The following ARSJ variants were observed in gnomAD, a reference collection of about 807,000 sequenced individuals.
The protein encoded by ARSJ is arylsulfatase family member J.
A neutral mutation model predicts 35.9 loss-of-function variants in ARSJ; 26 were observed. That is an observed-to-expected ratio of 0.72 (90% CI 0.53 to 1.00). The LOEUF is 1.00. Ranked by LOEUF, ARSJ falls within the 50% of genes least tolerant of loss-of-function variation. ARSJ has a pLI of 0.00. For missense variants in ARSJ, 667 were observed against 723.6 expected (o/e 0.92, Z 0.90); for synonymous variants, 294 against 267.6 (o/e 1.10, Z -0.96).
At chr4:113,963,316 G>A (rs1242197561) in intron 1 of ARSJ, among the ~76,000 whole-genome samples, 2 of 152,000 alleles carry the variant, frequency 1.3e-5, no homozygotes, top group East Asian at 3.9e-4. Context: ...GTTTATAAAG[G>A]AAAGAGGTTT....
At position 113,979,104 on chromosome 4, in the gene ARSJ, G is replaced by A. The variant is rs1307393811; in HGVS notation, c.-270C>T. 18 of 285,174 alleles carry A rather than the reference G, an allele frequency of 6.3e-5. No homozygotes were observed. Among genetic ancestry groups the A allele is most frequent in the South Asian group, 2.8e-4 (2 of 7,046 alleles). 17.7% of individuals were successfully genotyped at this position (285,174 alleles called of 1,614,324 possible). On this transcript the variant is annotated 5_prime_UTR_variant, in exon 1 of 2. Coordinates refer to ENST00000315366, the MANE Select transcript of ARSJ (RefSeq NM_024590.4). ...CCTCCCTAGAGCAGCTTCCACCAAG[G>A]AAAAAAAAAAGAAAAAAGTTAATAT...
intron 1 of ARSJ, among the ~76,000 whole-genome samples, chr4:113,926,706 A>G (rs1463712063): frequency 6.6e-6 from 1 of 152,050 alleles, no homozygotes; most frequent in Non-Finnish European, 1.5e-5. Flanking sequence ...TGCACAACCC[A>G]CTTTATGGGT....
In ARSJ at chr4:113,925,969, G is replaced by C. The variant is rs560150835; in HGVS notation, c.399-22294C>G. Among the ~76,000 whole-genome samples, 358 of 152,228 alleles carry C rather than the reference G, an allele frequency of 2.4e-3. 2 individuals are homozygous for C. Among genetic ancestry groups the C allele is most frequent in the African/African-American group, 7.9e-3 (330 of 41,546 alleles). On this transcript the variant is annotated intron_variant, in intron 1 of 1. Transcript: ENST00000315366. ...TGAGTGGAAGTCCATGTTGTGGAGC[G>C]CATGCATAACCTCCATCCCTGCCAC...
rs989329079 is a variant in ARSJ, at chr4:113,952,703, T to A, written c.398+25734A>T. 3.3e-5 allele frequency among the ~76,000 whole-genome samples: 5 copies of A among 152,132 alleles called. No individual in the cohort carries two copies. The South Asian group carries it at 1.0e-3, about 32-fold the overall frequency. ...CTGGTTAGAAGGACCAAGAGAACGA[T>A]AGGCTGGAGAAGGCTAAACCTCTGT... is the stretch of plus-strand genomic sequence containing the variant. On this transcript the variant is annotated intron_variant, in intron 1 of 1. Coordinates refer to ENST00000315366, the MANE Select transcript of ARSJ (RefSeq NM_024590.4).
At chr4:113,952,422 T>C (rs1335834623) in intron 1 of ARSJ, among the ~76,000 whole-genome samples, 1 of 152,118 alleles carries the variant, frequency 6.6e-6, no homozygotes, top group Non-Finnish European at 1.5e-5. Context: ...ATTGAGATAC[T>C]AGTCTTCCAT....
intron 1 of ARSJ, among the ~76,000 whole-genome samples, chr4:113,958,238 G>C (rs1410253897): frequency 6.6e-6 from 1 of 151,944 alleles, no homozygotes; most frequent in Non-Finnish European, 1.5e-5. Context: ...AACTGATTTA[G>C]GCAGTCTGGC....
At chr4:113,920,329 C>T (rs577452494) in intron 1 of ARSJ, among the ~76,000 whole-genome samples, 1 of 152,216 alleles carries the variant, frequency 6.6e-6, no homozygotes, top group African/African-American at 2.4e-5. Flanking sequence ...ATTCATAAAA[C>T]ACAACGGTAA....
intron 1 of ARSJ, among the ~76,000 whole-genome samples, chr4:113,923,059 C>T (rs1028385583): frequency 1.2e-4 from 18 of 152,132 alleles, no homozygotes; most frequent in Non-Finnish European, 2.2e-4. Context: ...TGGAATTCTG[C>T]CGGCAGGTTG....
At chr4:113,946,968 T>C (rs901100168) in intron 1 of ARSJ, among the ~76,000 whole-genome samples, 4 of 152,128 alleles carry the variant, frequency 2.6e-5, no homozygotes, top group Non-Finnish European at 5.9e-5. Context: ...TAAACCTTCA[T>C]ACATTAGAGG....
At chr4:113,926,777 A>T (rs1431714190) in intron 1 of ARSJ, among the ~76,000 whole-genome samples, 1 of 152,076 alleles carries the variant, frequency 6.6e-6, no homozygotes, top group East Asian at 1.9e-4. Context: ...TGACTTGATG[A>T]CCCATAGTCA....
At chr4:113,969,149 T>C (rs1727078111) in intron 1 of ARSJ, among the ~76,000 whole-genome samples, 1 of 152,236 alleles carries the variant, frequency 6.6e-6, no homozygotes, top group Non-Finnish European at 1.5e-5. Flanking sequence ...ACTGTTTAAA[T>C]ACACATTTCC....
chr4:113,900,789 A>ACTT lies in ARSJ; in HGVS notation c.*1482_*1484dup, dbSNP rs1252806719. ...TATGCTCATTGATGACCCATGATAA[A>ACTT]CTTCATTACTGATAATACTCCTTTA... is the stretch of plus-strand genomic sequence containing the variant. On this transcript the variant is annotated 3_prime_UTR_variant, in exon 2 of 2. Transcript: ENST00000315366. 6.6e-6 allele frequency: 1 copy of ACTT among 152,096 alleles called. No homozygotes were observed. Among genetic ancestry groups the ACTT allele is most frequent in the Non-Finnish European group, 1.5e-5 (1 of 68,022 alleles). 9.4% of individuals were successfully genotyped at this position (152,096 alleles called of 1,614,324 possible). A position where few individuals can be genotyped will look rare whatever the true frequency, so the allele number is the denominator to read the frequency against.
At chr4:113,930,099 C>T (rs1006098830) in intron 1 of ARSJ, among the ~76,000 whole-genome samples, 18 of 152,110 alleles carry the variant, frequency 1.2e-4, no homozygotes, top group Admixed American at 1.2e-3. Flanking sequence ...ATATTCTATT[C>T]CTCTAGAACC....
chr4:113,908,068 C>G (rs1038622863), intron 1 of ARSJ, among the ~76,000 whole-genome samples: 1 of 151,976 alleles, frequency 6.6e-6, no homozygotes, highest in East Asian at 1.9e-4. Flanking sequence ...CAAAACTGCA[C>G]GTAAACCCCT....
chr4:113,966,865 T>C, intron 1 of ARSJ, among the ~76,000 whole-genome samples: 1 of 152,214 alleles, frequency 6.6e-6, no homozygotes, highest in Admixed American at 6.5e-5. Context: ...TTCAGCACTC[T>C]GACAGGGTCC....
chr4:113,916,936 G>A (rs949025911), intron 1 of ARSJ, among the ~76,000 whole-genome samples: 2 of 152,110 alleles, frequency 1.3e-5, no homozygotes, highest in Non-Finnish European at 2.9e-5. Flanking sequence ...GAATCTAAAG[G>A]AATATTCATG....
chr4:113,903,713 T>C, intron 1 of ARSJ, 38 bp from the exon 2 acceptor site: 4 of 1,539,712 alleles, frequency 2.6e-6, no homozygotes, highest in Non-Finnish European at 2.6e-6. Context: ...CAGGGCAGGA[T>C]AAAAGAGATA....
chr4:113,931,017 G>C (rs1482099937), intron 1 of ARSJ, among the ~76,000 whole-genome samples: 1 of 151,484 alleles, frequency 6.6e-6, no homozygotes, highest in African/African-American at 2.4e-5. Context: ...ACACTCTGGG[G>C]ACTGTGGTGG....
chr4:113,953,833 A>C (rs754331440), intron 1 of ARSJ, among the ~76,000 whole-genome samples: 2 of 152,070 alleles, frequency 1.3e-5, no homozygotes, highest in African/African-American at 2.4e-5. Flanking sequence ...AATGGAAGTA[A>C]AGAGAAAGTT....
Sources: gnomAD v4.1 joint callset for allele counts (sites outside exome capture counted in the v4.1 genomes callset) on GRCh38, gnomAD v4.1.1 for gene constraint, MANE v1.5 for transcripts, NCBI Gene and HGNC (gene_info 2026-07-23, HGNC 2026-07-21) for gene names.